GRIP1: variants seen among roughly 807,000 people sequenced by gnomAD.
GRIP1 encodes glutamate receptor interacting protein 1.
GRIP1 carries 45 observed loss-of-function variants against 129.9 expected under a neutral mutation model. That is an observed-to-expected ratio of 0.35 (90% CI 0.27 to 0.44). The LOEUF (loss-of-function observed/expected upper bound fraction) is 0.44. Ranked by LOEUF, GRIP1 falls within the 20% of genes least tolerant of loss-of-function variation. The pLI, the probability that GRIP1 is intolerant of heterozygous loss-of-function variation, is 1.00. For missense variants in GRIP1, 1,196 were observed against 1,396.8 expected (o/e 0.86, Z 2.29); for synonymous variants, 530 against 520.8 (o/e 1.02, Z -0.24).
At chr12:66,354,947 C>A (rs1012357330) in intron 23 of GRIP1, among the ~76,000 whole-genome samples, 1 of 152,136 alleles carries the variant, frequency 6.6e-6, no homozygotes, top group African/African-American at 2.4e-5. Flanking sequence ...TTCAATTTCA[C>A]TGGGGTTATG....
At chr12:66,876,113 CA>C (rs1291119121) in intron 1 of GRIP1, among the ~76,000 whole-genome samples, 1 of 151,262 alleles carries the variant, frequency 6.6e-6, no homozygotes, top group Admixed American at 6.6e-5. Context: ...GCACTTAAAA[CA>C]AAAAAATCTG....
intron 7 of GRIP1, among the ~76,000 whole-genome samples, chr12:66,476,281 T>G (rs2138485906): frequency 6.6e-6 from 1 of 152,252 alleles, no homozygotes; most frequent in South Asian, 2.1e-4. Flanking sequence ...ATCCATAAAT[T>G]CCTGGACACA....
intron 1 of GRIP1, among the ~76,000 whole-genome samples, chr12:66,802,778 A>C (rs2038895639): frequency 6.6e-6 from 1 of 152,182 alleles, no homozygotes; most frequent in Non-Finnish European, 1.5e-5. Flanking sequence ...GCAATCTGAC[A>C]ATATTTTTTG....
chr12:66,349,442 T>G (rs984808427), intron 24 of GRIP1, among the ~76,000 whole-genome samples, 196 bp from the exon 25 acceptor site: 1 of 152,136 alleles, frequency 6.6e-6, no homozygotes, highest in African/African-American at 2.4e-5. Context: ...ATTGTAAGAC[T>G]CTCGAGGGCA....
At chr12:67,009,879 G>A (rs1168634424) in intron 1 of GRIP1, among the ~76,000 whole-genome samples, 1 of 152,072 alleles carries the variant, frequency 6.6e-6, no homozygotes, top group African/African-American at 2.4e-5. Context: ...AAATATCAGG[G>A]CCCATCACAT....
intron 1 of GRIP1, among the ~76,000 whole-genome samples, chr12:66,909,169 T>C (rs1223561747): frequency 6.6e-6 from 1 of 152,246 alleles, no homozygotes; most frequent in Admixed American, 6.5e-5. Context: ...TTCATGTCTT[T>C]GTTTTGCTAT....
intron 7 of GRIP1, among the ~76,000 whole-genome samples, chr12:66,510,950 T>C (rs35650322): frequency 0.18 from 28,129 of 152,108 alleles, 2,809 homozygotes; most frequent in Middle Eastern, 0.22. Context: ...TAAAATGAGA[T>C]ACTACCACAT....
upstream of GRIP1, chr12:66,804,232 A>T (rs1409394825): frequency 4.7e-6 from 2 of 425,848 alleles, no homozygotes; most frequent in Admixed American, 5.0e-5. Context: ...AGAGCACAGC[A>T]ACAGCCCAGC....
At chr12:66,480,894 C>T (rs2059783818) in intron 7 of GRIP1, among the ~76,000 whole-genome samples, 1 of 152,010 alleles carries the variant, frequency 6.6e-6, no homozygotes, top group African/African-American at 2.4e-5. Context: ...TTTCTTACAC[C>T]TATACAAAAA....
At chr12:66,467,338 T>C (rs1313403436) in intron 7 of GRIP1, among the ~76,000 whole-genome samples, 1 of 152,186 alleles carries the variant, frequency 6.6e-6, no homozygotes, top group East Asian at 1.9e-4. Flanking sequence ...TTAATTCCCC[T>C]GATCTCCTGA....
At chr12:66,616,192 AG>A (rs1312998768) in intron 1 of GRIP1, among the ~76,000 whole-genome samples, 1 of 152,124 alleles carries the variant, frequency 6.6e-6, no homozygotes, top group East Asian at 1.9e-4. Flanking sequence ...TTGAGTACCT[AG>A]GGCATTCCTG....
chr12:66,649,209 A>C (rs922953504), intron 1 of GRIP1, among the ~76,000 whole-genome samples: 2 of 152,176 alleles, frequency 1.3e-5, no homozygotes, highest in Non-Finnish European at 2.9e-5. Flanking sequence ...GATTCTCTTG[A>C]TAGTATTTTT....
chr12:66,835,911 A>T (rs917506752), intron 1 of GRIP1, among the ~76,000 whole-genome samples: 2 of 152,124 alleles, frequency 1.3e-5, no homozygotes, highest in African/African-American at 4.8e-5. Flanking sequence ...CAGTTGTAAC[A>T]AATGTGCCAC....
intron 1 of GRIP1, among the ~76,000 whole-genome samples, chr12:66,932,944 G>A (rs563404468): frequency 1.1e-4 from 16 of 152,314 alleles, no homozygotes; most frequent in African/African-American, 3.8e-4. Context: ...TGGGATTACA[G>A]GTGTGAGCCA....
intron 1 of GRIP1, among the ~76,000 whole-genome samples, chr12:66,970,128 C>A (rs2102247): frequency 0.21 from 31,849 of 152,070 alleles, 4,055 homozygotes; most frequent in East Asian, 0.29. Context: ...GTTGCCCAAG[C>A]TGGAATGCAA....
intron 1 of GRIP1, among the ~76,000 whole-genome samples, chr12:66,723,332 A>ATTTTT (rs2036153490): frequency 1.5e-5 from 1 of 66,180 alleles, no homozygotes; most frequent in African/African-American, 6.5e-5. Flanking sequence ...TTTTTTTTTG[A>ATTTTT]GACAGAGTCT....
At chr12:66,782,997 T>C (rs1381773304) in intron 1 of GRIP1, among the ~76,000 whole-genome samples, 1 of 152,162 alleles carries the variant, frequency 6.6e-6, no homozygotes, top group African/African-American at 2.4e-5. Flanking sequence ...TTTGAATTAA[T>C]AGTGCATTGC....
At chr12:66,958,076 G>A (rs2041868963) in intron 1 of GRIP1, among the ~76,000 whole-genome samples, 1 of 152,012 alleles carries the variant, frequency 6.6e-6, no homozygotes, top group African/African-American at 2.4e-5. Context: ...CCCATCTTTG[G>A]TCATTGGGAG....
At chr12:67,056,890 A>G (rs2043445982) in intron 1 of GRIP1, among the ~76,000 whole-genome samples, 1 of 152,162 alleles carries the variant, frequency 6.6e-6, no homozygotes, top group African/African-American at 2.4e-5. Context: ...GGCTCACTGC[A>G]ACCTCCGCCT....
Sources: allele counts gnomAD v4.1 joint callset (sites outside exome capture counted in the v4.1 genomes callset), GRCh38; gene constraint gnomAD v4.1.1; transcripts MANE v1.5; gene names NCBI Gene and HGNC (gene_info 2026-07-23, HGNC 2026-07-21).